Variants in CEP78 observed in about 807,000 individuals in gnomAD.
CEP78 encodes centrosomal protein 78.
A neutral mutation model predicts 81.2 loss-of-function variants in CEP78; 76 were observed. The observed-to-expected ratio is 0.94, with a 90% CI of 0.78 to 1.13. The LOEUF (loss-of-function observed/expected upper bound fraction) is 1.13, where lower values mean the gene tolerates loss of function less well. Among genes scored for constraint, CEP78 ranks in the 50% most tolerant of loss-of-function variants. The pLI, the probability that CEP78 is intolerant of heterozygous loss-of-function variation, is 0.00. For missense variants in CEP78, 918 were observed against 846.8 expected (o/e 1.08, Z -1.04); for synonymous variants, 293 against 301.4 (o/e 0.97, Z 0.29).
intron 10 of CEP78, chr9:78,253,533 CA>C: frequency 2.6e-6 from 1 of 382,714 alleles, no homozygotes; most frequent in Non-Finnish European, 4.8e-6. Flanking sequence ...TTGCCTCCAG[CA>C]AAACAAATTT....
In CEP78 at chr9:78,274,282, T is replaced by C. The variant is rs1473115488; in HGVS notation, c.*3431T>C. The C allele has an allele frequency of 6.6e-6, 1 of 152,116 alleles. No individual in the cohort carries two copies. The highest frequency in any genetic ancestry group is 1.9e-4 in the East Asian group (1 of 5,178). The allele number at this position is 152,116 out of a possible 1,614,324, so 9.4% of individuals were successfully genotyped here. Reference sequence around the variant, plus strand: ...TGGCATTCTTGAAAAGACAAAACTATAGTGACAGAACAGATTGGAGATTGC... The same window carrying C: ...TGGCATTCTTGAAAAGACAAAACTACAGTGACAGAACAGATTGGAGATTGC... On this transcript the variant is annotated 3_prime_UTR_variant, in exon 17 of 17. Coordinates refer to ENST00000643273, the MANE Select transcript of CEP78 (RefSeq NM_001330691.3).
chr9:78,241,264 G>C (rs1053551246), intron 3 of CEP78, among the ~76,000 whole-genome samples: 10 of 152,300 alleles, frequency 6.6e-5, no homozygotes, highest in African/African-American at 2.4e-4. Context: ...TATTGTTCTA[G>C]TACATTAGGT....
chr9:78,265,482 C>T lies in CEP78; in HGVS notation c.1736C>T (p.Ala579Val), dbSNP rs747976954. The change falls in exon 14 of 17, where the codon GCG becomes GTG. Residue 579 changes from alanine to valine, a missense_variant. Transcript: ENST00000643273. ...AATCCACCTAAAGAAGAAAAGAAGGCGCTTGAAGATGAAAAACCAGAACCG... is the reference window on the plus strand; with the variant it reads ...AATCCACCTAAAGAAGAAAAGAAGGTGCTTGAAGATGAAAAACCAGAACCG... ...VSNPPKEEKK[A>V]LEDEKPEPKQ... is the part of the protein sequence containing the mutation. The T allele has an allele frequency of 1.5e-5, 24 of 1,589,364 alleles. No individual in the cohort carries two copies. The highest frequency in any genetic ancestry group is 3.4e-5 in the South Asian group (3 of 87,018).
In CEP78 at chr9:78,246,863, T is replaced by G. The variant is rs80012402; in HGVS notation, c.892+81T>G. ...CTCATGTATTGACAGTTTTGAAAACTTAATGTGTTTCCTTCCCTAATCTTA... is the reference window on the plus strand; with the variant it reads ...CTCATGTATTGACAGTTTTGAAAACGTAATGTGTTTCCTTCCCTAATCTTA... On this transcript the variant is annotated intron_variant, in intron 6 of 16. Transcript: ENST00000643273. 6.2e-4 allele frequency: 462 copies of G among 739,790 alleles called. 1 individual carries two copies. The African/African-American group carries it at 6.6e-3, about 11-fold the overall frequency. The allele number at this position is 739,790 out of a possible 1,614,324, so 45.8% of individuals were successfully genotyped here.
intron 8 of CEP78, 54 bp from the exon 9 acceptor site, chr9:78,251,854 A>T (rs768669726): frequency 2.2e-5 from 33 of 1,517,848 alleles, no homozygotes; most frequent in Middle Eastern, 1.7e-4. Context: ...GTGCCTATTC[A>T]TCTGTAGACC....
rs906410837 is a variant in CEP78, at chr9:78,272,367, G to A, written c.*1516G>A. 2 of 152,168 alleles carry A rather than the reference G, an allele frequency of 1.3e-5. No individual in the cohort carries two copies. The highest frequency in any genetic ancestry group is 4.8e-5 in the African/African-American group (2 of 41,436). The allele number at this position is 152,168 out of a possible 1,614,324, so 9.4% of individuals were successfully genotyped here. On this transcript the variant is annotated 3_prime_UTR_variant, in exon 17 of 17. Transcript: ENST00000643273. ...GATCAAATAAACTGATAAAGATATTGATAAAGATATGAGACAAACTACTTC... is the reference window on the plus strand; with the variant it reads ...GATCAAATAAACTGATAAAGATATTAATAAAGATATGAGACAAACTACTTC...
intron 5 of CEP78, among the ~76,000 whole-genome samples, 196 bp from the exon 6 acceptor site, chr9:78,246,473 G>C (rs535696566): frequency 6.6e-6 from 1 of 152,156 alleles, no homozygotes; most frequent in Non-Finnish European, 1.5e-5. Flanking sequence ...GGTGGCGGGC[G>C]CCTGTAGTCC....
chr9:78,261,428 G>GA (rs1563994739), intron 11 of CEP78, among the ~76,000 whole-genome samples: 1 of 152,246 alleles, frequency 6.6e-6, no homozygotes, highest in East Asian at 1.9e-4. Flanking sequence ...TGTCAGGGAG[G>GA]AAAATTACTA....
intron 3 of CEP78, among the ~76,000 whole-genome samples, chr9:78,241,255 A>G (rs1015478807): frequency 6.6e-6 from 1 of 152,182 alleles, no homozygotes; most frequent in Non-Finnish European, 1.5e-5. Flanking sequence ...TCTGTCTTCT[A>G]TTGTTCTAGT....
chr9:78,254,733 T>G (rs1826931671), intron 10 of CEP78, 103 bp from the exon 11 acceptor site: 10 of 858,728 alleles, frequency 1.2e-5, no homozygotes, highest in Non-Finnish European at 1.2e-5. Flanking sequence ...TAGACATTTA[T>G]AGAGAATGAC....
rs1475105339 is a variant in CEP78 at position 78,275,307 on chromosome 9, C to T, written c.*4456C>T. The T allele has an allele frequency of 6.6e-6, 1 of 152,026 alleles. No individual in the cohort carries two copies. Among genetic ancestry groups the T allele is most frequent in the African/African-American group, 2.4e-5 (1 of 41,410 alleles). The allele number at this position is 152,026 out of a possible 1,614,324, so 9.4% of individuals were successfully genotyped here. On this transcript the variant is annotated 3_prime_UTR_variant, in exon 17 of 17. Coordinates refer to ENST00000643273, the MANE Select transcript of CEP78 (RefSeq NM_001330691.3). Reference sequence around the variant, plus strand: ...AGAAATTGAAAAAATAGGACAAGAACTTATTTTTAAAAAGAGGCCAGGTGC... The same window carrying T: ...AGAAATTGAAAAAATAGGACAAGAATTTATTTTTAAAAAGAGGCCAGGTGC...
At chr9:78,252,683 AAG>A (rs1185511785) in intron 9 of CEP78, among the ~76,000 whole-genome samples, 1 of 152,222 alleles carries the variant, frequency 6.6e-6, no homozygotes, top group Non-Finnish European at 1.5e-5. Context: ...TAAGAAAACA[AAG>A]AGGATTGAAT....
At chr9:78,267,157 G>A in intron 16 of CEP78, 1 of 713,998 alleles carries the variant, frequency 1.4e-6, no homozygotes, top group Non-Finnish European at 2.1e-6. Context: ...TTTTTGGTCT[G>A]TTTTTCCCTT....
chr9:78,238,382 G>T (rs1587547134), intron 1 of CEP78, among the ~76,000 whole-genome samples: 1 of 152,166 alleles, frequency 6.6e-6, no homozygotes, highest in African/African-American at 2.4e-5. Flanking sequence ...GGCAGATCTG[G>T]GCCCAAGATT....
At position 78,259,538 on chromosome 9, in the gene CEP78, G is replaced by A. The variant is rs540371146; in HGVS notation, c.1381-3369G>A. Among the ~76,000 whole-genome samples, 8 of 152,306 alleles carry A rather than the reference G, an allele frequency of 5.3e-5. No homozygotes were observed. The East Asian group carries it at 9.6e-4, about 18-fold the overall frequency. On this transcript the variant is annotated intron_variant, in intron 11 of 16. Coordinates refer to ENST00000643273, the MANE Select transcript of CEP78 (RefSeq NM_001330691.3). ...TGCCTCTGGGAAGCTGGATGTGTGA[G>A]TGAGGAGGAGATTAACTTTCATTTT...
intron 11 of CEP78, among the ~76,000 whole-genome samples, chr9:78,257,602 G>A (rs549150347): frequency 1.3e-5 from 2 of 152,116 alleles, no homozygotes; most frequent in African/African-American, 4.8e-5. Context: ...AATGAGGGAG[G>A]GGGAAAGAGA....
At position 78,254,841 on chromosome 9, in the gene CEP78, A is replaced by G. The variant is rs1563989186; in HGVS notation, c.1257A>G (p.Pro419=). 3.1e-6 allele frequency: 5 copies of G among 1,606,498 alleles called. No individual in the cohort carries two copies. Among genetic ancestry groups the G allele is most frequent in the African/African-American group, 1.3e-5 (1 of 74,460 alleles). The part of the protein sequence containing the change: ...TRDICNQLQQ[P]GFPVTVTVES... ...TCTTGTCCTCTTTTTTTAAGCAACCAGGTTTTCCTGTGACTGTGACAGTAG... is the reference window on the plus strand; with the variant it reads ...TCTTGTCCTCTTTTTTTAAGCAACCGGGTTTTCCTGTGACTGTGACAGTAG... Residue 419 remains proline (P), a synonymous_variant, in exon 11 of 17, where the codon CCA becomes CCG. Transcript: ENST00000643273.
chr9:78,266,291 G>A (rs1827526887), intron 15 of CEP78, 151 bp from the exon 16 acceptor site: 2 of 607,556 alleles, frequency 3.3e-6, no homozygotes, highest in East Asian at 5.6e-5. Flanking sequence ...CTATAGCTAA[G>A]TTAAGTTGGC....
chr9:78,246,640 G>A (rs1373733268), intron 5 of CEP78, 29 bp from the exon 6 acceptor site: 4 of 1,363,780 alleles, frequency 2.9e-6, no homozygotes, highest in South Asian at 1.2e-5. Flanking sequence ...TATAGAATTA[G>A]CAAGTGACCC....
Sources: allele counts gnomAD v4.1 joint callset (sites outside exome capture counted in the v4.1 genomes callset), GRCh38; gene constraint gnomAD v4.1.1; transcripts MANE v1.5; gene names NCBI Gene and HGNC (gene_info 2026-07-23, HGNC 2026-07-21).